The following ODAD3 variants were observed in gnomAD, a reference collection of about 807,000 sequenced individuals.
The protein encoded by ODAD3 is outer dynein arm-docking complex subunit 3.
In ODAD3, 57 loss-of-function variants were observed where a neutral mutation model predicts 70.9. The observed-to-expected ratio is 0.80, with a 90% CI of 0.65 to 1.00. The LOEUF (loss-of-function observed/expected upper bound fraction) is 1.00, where lower values mean the gene tolerates loss of function less well. Among genes scored for constraint, ODAD3 ranks in the 50% least tolerant of loss-of-function variants. The pLI is 0.00. For synonymous variants in ODAD3, 327 were observed against 315.9 expected (o/e 1.04, Z -0.37); for missense variants, 797 against 763.9 (o/e 1.04, Z -0.51).
At chr19:11,435,311 G>A (rs775245000), upstream of ODAD3, 55 of 787,642 alleles carry the variant, frequency 7.0e-5, no homozygotes, top group Non-Finnish European at 9.6e-5. Context: ...AGGACGGAGG[G>A]TCTGGACACT....
Position 11,422,935 on chromosome 19 carries a change from C to G in ODAD3, c.1117-74G>C. ...GGCGCTCCACCTCCTCTCCCCCACCCTGCGAACCCTCGCACGCAGGACAGG... is the reference window on the plus strand; with the variant it reads ...GGCGCTCCACCTCCTCTCCCCCACCGTGCGAACCCTCGCACGCAGGACAGG... On this transcript the variant is annotated intron_variant, in intron 8 of 12. Coordinates refer to ENST00000356392, the MANE Select transcript of ODAD3 (RefSeq NM_145045.5). The surrounding 1 kb of genome is among the most constrained non-coding windows in gnomAD (Gnocchi z 4.6). 6.6e-7 allele frequency: 1 copy of G among 1,519,338 alleles called. No homozygotes were observed. The highest frequency in any genetic ancestry group is 2.3e-5 in the East Asian group (1 of 43,638). 94.1% of individuals were successfully genotyped at this position (1,519,338 alleles called of 1,614,324 possible). A position where few individuals can be genotyped will look rare whatever the true frequency, so the allele number is the denominator to read the frequency against.
At position 11,425,258 on chromosome 19, in the gene ODAD3, T is replaced by C. The variant is rs898791521; in HGVS notation, c.963+886A>G. Among the ~76,000 whole-genome samples, 9 of 142,794 alleles carry C rather than the reference T, an allele frequency of 6.3e-5. 2 individuals carry two copies. Among genetic ancestry groups the C allele is most frequent in the Admixed American group, 1.4e-4 (2 of 14,690 alleles). 93.7% of individuals were successfully genotyped at this position (142,794 alleles called of 152,430 possible). The stretch of plus-strand genomic sequence containing the variant: ...GTACATATGTGTATATATGTATATG[T>C]ACATATGTGTATATGTGTGTATATG... On this transcript the variant is annotated intron_variant, in intron 7 of 12. Transcript: ENST00000356392.
At position 11,424,020 on chromosome 19, in the gene ODAD3, C is replaced by T; in HGVS notation, c.973G>A (p.Glu325Lys). 1.2e-6 allele frequency: 2 copies of T among 1,608,958 alleles called. No individual in the cohort carries two copies. Among genetic ancestry groups the T allele is most frequent in the Non-Finnish European group, 1.7e-6 (2 of 1,179,502 alleles). ...TCGTCGGACTGTAGCAGCAGGTGCT[C>T]GCGGTGGGTCTGCTCGTGGGTTGAG... Reference protein sequence around the residue: ...NERMERKTHREHLLLQSDDTI... With the variant: ...NERMERKTHRKHLLLQSDDTI... The change falls in exon 8 of 13, where the codon GAG (glutamate) becomes AAG (lysine). Residue 325 changes from glutamate (E) to lysine (K), a missense_variant. By Grantham distance (56) the Glu-to-Lys change is moderately conservative. Coordinates refer to ENST00000356392, the MANE Select transcript of ODAD3 (RefSeq NM_145045.5).
Position 11,423,772 on chromosome 19 carries a change from C to A in ODAD3, c.1116+105G>T, listed in dbSNP as rs2144757544. On this transcript the variant is annotated intron_variant, in intron 8 of 12. Transcript: ENST00000356392. Reference sequence around the variant, plus strand: ...TTTGTGAGCTGAATAACCGACCTGGCAGAGAGGGGAGACAGGGTGTGTCGG... The same window carrying A: ...TTTGTGAGCTGAATAACCGACCTGGAAGAGAGGGGAGACAGGGTGTGTCGG... The A allele has an allele frequency of 6.7e-6, 8 of 1,188,358 alleles. No individual in the cohort carries two copies. The South Asian group carries it at 8.9e-5, about 13-fold the overall frequency. 73.6% of individuals were successfully genotyped at this position (1,188,358 alleles called of 1,614,324 possible). A position where few individuals can be genotyped will look rare whatever the true frequency, so the allele number is the denominator to read the frequency against.
chr19:11,433,862 G>A (rs1969561595), intron 1 of ODAD3, among the ~76,000 whole-genome samples: 1 of 152,148 alleles, frequency 6.6e-6, no homozygotes, highest in Admixed American at 6.6e-5. Flanking sequence ...AGGAGGTCAA[G>A]TCTGCAGTGA....
chr19:11,430,570 G>T, intron 3 of ODAD3, 129 bp downstream of exon 3: 2 of 867,870 alleles, frequency 2.3e-6, no homozygotes, highest in Non-Finnish European at 3.9e-6. Context: ...GAGTAATAAA[G>T]ATTTAATTGA....
In ODAD3 at chr19:11,425,379, G is replaced by A. The variant is rs950566939; in HGVS notation, c.963+765C>T. Among the ~76,000 whole-genome samples the A allele has an allele frequency of 2.5e-4, 31 of 124,290 alleles. 3 individuals carry two copies. The highest frequency in any genetic ancestry group is 1.2e-3 in the South Asian group (5 of 4,344). 81.5% of individuals were successfully genotyped at this position (124,290 alleles called of 152,430 possible). The stretch of plus-strand genomic sequence containing the variant: ...TATATGTACATATGTGTATATATGT[G>A]TGTATGTACATATGTGTATATGTAT... On this transcript the variant is annotated intron_variant, in intron 7 of 12. Transcript: ENST00000356392.
upstream of ODAD3, chr19:11,435,372 C>A: frequency 4.4e-6 from 2 of 458,088 alleles, no homozygotes; most frequent in East Asian, 5.7e-5. Flanking sequence ...CCTTATCCCG[C>A]CCCTGGGGGT....
chr19:11,425,299 A>ATATGTACATATG (rs1908962270), intron 7 of ODAD3, among the ~76,000 whole-genome samples: 2 of 126,498 alleles, frequency 1.6e-5, no homozygotes, highest in Non-Finnish European at 3.2e-5. Flanking sequence ...ATGTGTATAT[A>ATATGTACATATG]TGTGTATGTG....
intron 7 of ODAD3, 92 bp downstream of exon 7, chr19:11,426,052 G>A (rs145618703): frequency 1.4e-6 from 2 of 1,478,446 alleles, no homozygotes; most frequent in African/African-American, 1.4e-5. Context: ...ACAGAAAATG[G>A]GAGAAGGCCT....
At chr19:11,431,643 A>G (rs2144782138) in intron 1 of ODAD3, among the ~76,000 whole-genome samples, 1 of 151,762 alleles carries the variant, frequency 6.6e-6, no homozygotes, top group East Asian at 2.0e-4. Flanking sequence ...TACAAAAATT[A>G]GCTGGGCATG....
intron 3 of ODAD3, among the ~76,000 whole-genome samples, chr19:11,429,193 TTTTG>T (rs968688916): frequency 1.8e-4 from 27 of 151,826 alleles, no homozygotes; most frequent in African/African-American, 6.3e-4. Context: ...ATTTTTTATC[TTTTG>T]TTTTTGTTTG....
chr19:11,423,190 G>A (rs138763376), intron 8 of ODAD3, among the ~76,000 whole-genome samples: 3 of 152,200 alleles, frequency 2.0e-5, no homozygotes, highest in African/African-American at 7.2e-5. Flanking sequence ...GCCCGATTCC[G>A]CAGGAAATAC....
chr19:11,435,139 T>C, upstream of ODAD3: 1 of 1,454,262 alleles, frequency 6.9e-7, no homozygotes, highest in Non-Finnish European at 9.0e-7. Context: ...GACCGCTAGG[T>C]GGTTGCGCTC....
At chr19:11,427,734 G>A (rs1969415557) in intron 3 of ODAD3, among the ~76,000 whole-genome samples, 1 of 151,768 alleles carries the variant, frequency 6.6e-6, no homozygotes, top group African/African-American at 2.4e-5. Context: ...CACCTGCCTC[G>A]GCCTCCGAAA....
Position 11,426,589 on chromosome 19 carries a change from G to C in ODAD3, c.715-18C>G. The C allele has an allele frequency of 6.2e-7, 1 of 1,613,996 alleles. No homozygotes were observed. The highest frequency in any genetic ancestry group is 8.5e-7 in the Non-Finnish European group (1 of 1,179,948). On this transcript the variant is annotated intron_variant, in intron 5 of 12. Transcript: ENST00000356392. ...CTCTCGTCCTGGGGCGTGGTGGGGA[G>C]GGGTAGCGGAGATGGTGCAGGTCTG...
In ODAD3 at chr19:11,424,669, ATATGTGTATATATACC is replaced by A. The variant is rs1204955547; in HGVS notation, c.964-656_964-641del. On this transcript the variant is annotated intron_variant, in intron 7 of 12. Transcript: ENST00000356392. ...TATATACCTATGTGTATATATGTAT[ATATGTGTATATATACC>A]TATGTGTATATATGTATATATGTGT... Among the ~76,000 whole-genome samples the A allele has an allele frequency of 4.0e-3, 318 of 79,070 alleles. 1 individual carries two copies. Among genetic ancestry groups the A allele is most frequent in the Non-Finnish European group, 4.9e-3 (233 of 47,914 alleles). The allele number at this position is 79,070 out of a possible 152,430, so 51.9% of individuals were successfully genotyped here. A position where few individuals can be genotyped will look rare whatever the true frequency, so the allele number is the denominator to read the frequency against.
In ODAD3 at chr19:11,422,609, G is replaced by A; in HGVS notation, c.1296C>T (p.Ala432=). ...ATLVSQQKLQ[A]EAQERLKKEE... ...CCTTCTTGAGACGCTCCTGCGCCTC[G>A]GCTTGCAGTTTCTGCTGGCTGCAGG... The change falls in exon 10 of 13, where the codon GCC becomes GCT. Residue 432 remains alanine (A), a synonymous_variant. Transcript: ENST00000356392. This position sits in a 1 kb window ranked among gnomAD's most constrained non-coding sequence, Gnocchi z 4.6. The A allele has an allele frequency of 1.3e-6, 2 of 1,598,390 alleles. No individual in the cohort carries two copies. Among genetic ancestry groups the A allele is most frequent in the Non-Finnish European group, 1.7e-6 (2 of 1,174,838 alleles).
intron 7 of ODAD3, among the ~76,000 whole-genome samples, chr19:11,425,471 GTATATATGTGTGTATATA>G (rs1969328605): frequency 8.4e-6 from 1 of 118,912 alleles, no homozygotes; most frequent in Non-Finnish European, 1.9e-5. Flanking sequence ...GTGTATATAT[GTATATATGTGTGTATATA>G]TGTATATATG....
Sources: gnomAD v4.1 joint callset for allele counts (sites outside exome capture counted in the v4.1 genomes callset) on GRCh38, gnomAD v4.1.1 for gene constraint, Gnocchi (gnomAD v3.1) non-coding constraint, MANE v1.5 for transcripts, NCBI Gene and HGNC (gene_info 2026-07-23, HGNC 2026-07-21) for gene names.